Variants in GRK3 observed in about 807,000 individuals in gnomAD.
The protein encoded by GRK3 is G protein-coupled receptor kinase 3, also known as adrenergic, beta, receptor kinase 2.
Under a neutral mutation model 95.7 loss-of-function variants are expected in GRK3, and 54 were observed. The ratio of observed to expected loss-of-function variants is 0.56; its 90% confidence interval spans 0.45 to 0.71. GRK3 has a LOEUF of 0.71. Ranked by LOEUF, GRK3 falls within the 30% of genes least tolerant of loss-of-function variation. The pLI, the probability that GRK3 is intolerant of heterozygous loss-of-function variation, is 0.00. For missense variants in GRK3, 649 were observed against 851.2 expected, an observed-to-expected ratio of 0.76 and a Z score of 2.96; for synonymous variants, 281 against 290.8, an observed-to-expected ratio of 0.97 and a Z score of 0.34.
At chr22:25,703,686 T>C (rs539186899) in intron 14 of GRK3, 110 bp downstream of exon 14, 210 of 767,802 alleles carry the variant, frequency 2.7e-4, no homozygotes, top group Non-Finnish European at 3.9e-4. Context: ...TATAAAATTA[T>C]GTATAGACAT....
intron 1 of GRK3, among the ~76,000 whole-genome samples, chr22:25,600,452 T>G (rs2084402244): frequency 6.6e-6 from 1 of 152,180 alleles, no homozygotes; most frequent in Non-Finnish European, 1.5e-5. Flanking sequence ...GTCTGCAGGT[T>G]GCATCTGGGT....
intron 2 of GRK3, among the ~76,000 whole-genome samples, chr22:25,639,862 T>C (rs1406003480): frequency 6.6e-6 from 1 of 152,202 alleles, no homozygotes; most frequent in Admixed American, 6.5e-5. Flanking sequence ...TTATAGTTTT[T>C]AGCATACTGT....
chr22:25,720,746 A>C lies in GRK3; in HGVS notation c.1792-538A>C, dbSNP rs143833902. ...CGCCTCGGCCTCCCAAAGTGCTGGG[A>C]TTACAGGCATGAGCCACCGCGCCCA... On this transcript the variant is annotated intron_variant, in intron 19 of 20. Transcript: ENST00000324198. Among the ~76,000 whole-genome samples the C allele has an allele frequency of 1.8e-3, 271 of 152,228 alleles. 6 individuals carry two copies. In the East Asian group the frequency reaches 0.047, roughly 26 times the overall value.
intron 1 of GRK3, among the ~76,000 whole-genome samples, chr22:25,574,204 A>G (rs535520124): frequency 1.3e-5 from 2 of 152,274 alleles, no homozygotes; most frequent in Admixed American, 1.3e-4. Flanking sequence ...AGTTTAAATT[A>G]AAAATGAGGC....
chr22:25,708,211 C>T (rs911036095), intron 15 of GRK3, among the ~76,000 whole-genome samples: 2 of 152,082 alleles, frequency 1.3e-5, no homozygotes, highest in Admixed American at 6.5e-5. Flanking sequence ...GGCGCCACTG[C>T]ACTCCAGCCT....
In GRK3 at chr22:25,677,371, A is replaced by C. The variant is rs1429902627; in HGVS notation, c.648-1445A>C. Among the ~76,000 whole-genome samples, 4 of 140,038 alleles carry C rather than the reference A, an allele frequency of 2.9e-5. No homozygotes were observed. The East Asian group carries it at 8.1e-4, about 28-fold the overall frequency. 91.9% of individuals were successfully genotyped at this position (140,038 alleles called of 152,430 possible). On this transcript the variant is annotated intron_variant, in intron 8 of 20. Transcript: ENST00000324198. ...AGCCTGGGCAACAGAATGAGACCCC[A>C]TATCTTAAAAAAAAAAAAAAAAAAA...
chr22:25,675,643 G>C (rs1234736798), intron 8 of GRK3, among the ~76,000 whole-genome samples: 1 of 152,190 alleles, frequency 6.6e-6, no homozygotes, highest in Admixed American at 6.5e-5. Flanking sequence ...GTGGGAGAAG[G>C]GGTGTTTGAG....
intron 7 of GRK3, 70 bp from the exon 8 acceptor site, chr22:25,674,367 A>G (rs1334681874): frequency 7.9e-7 from 1 of 1,264,706 alleles, no homozygotes; most frequent in Non-Finnish European, 1.1e-6. Flanking sequence ...TATGTTTTGC[A>G]TGAAAAAATC....
intron 15 of GRK3, among the ~76,000 whole-genome samples, chr22:25,707,597 C>T (rs1416552096): frequency 6.6e-6 from 1 of 152,072 alleles, no homozygotes; most frequent in Admixed American, 6.5e-5. Context: ...TATGAAGAGG[C>T]CTGGGGAGGA....
At position 25,704,151 on chromosome 22, in the gene GRK3, C is replaced by G; in HGVS notation, c.1270C>G (p.Leu424Val). The part of the protein sequence containing the change: ...PDTFSPELKS[L>V]LEGLLQRDVS... ...CACCTTCTCTCCTGAACTGAAGTCCCTTTTGGAGGGCTTGCTTCAGCGAGA... is the reference window on the plus strand; with the variant it reads ...CACCTTCTCTCCTGAACTGAAGTCCGTTTTGGAGGGCTTGCTTCAGCGAGA... The change falls in exon 15 of 21, where the codon CTT becomes GTT. Residue 424 changes from leucine (L) to valine (V), a missense_variant. By Grantham distance (32) the Leu-to-Val change is conservative (BLOSUM62 1). Coordinates refer to ENST00000324198, the MANE Select transcript of GRK3 (RefSeq NM_005160.4). The G allele has an allele frequency of 6.2e-7, 1 of 1,613,802 alleles. No individual in the cohort carries two copies. Among genetic ancestry groups the G allele is most frequent in the Non-Finnish European group, 8.5e-7 (1 of 1,179,842 alleles).
intron 2 of GRK3, among the ~76,000 whole-genome samples, chr22:25,642,156 C>T (rs1247744856): frequency 4.6e-5 from 7 of 152,092 alleles, no homozygotes; most frequent in South Asian, 2.1e-4. Context: ...GACAGATGGC[C>T]GCGCGGTGGC....
intron 3 of GRK3, among the ~76,000 whole-genome samples, chr22:25,659,135 T>G (rs2084893213): frequency 6.6e-6 from 1 of 152,004 alleles, no homozygotes; most frequent in South Asian, 2.1e-4. Flanking sequence ...CTGAGGCAGT[T>G]CAGGATTTGG....
At chr22:25,667,247 T>C (rs889424752) in intron 5 of GRK3, among the ~76,000 whole-genome samples, 19 of 152,342 alleles carry the variant, frequency 1.2e-4, no homozygotes, top group African/African-American at 4.6e-4. Context: ...CATGGACCTA[T>C]TAGCTTTGAG....
At chr22:25,634,365 A>G (rs1005366864) in intron 2 of GRK3, among the ~76,000 whole-genome samples, 1 of 152,156 alleles carries the variant, frequency 6.6e-6, no homozygotes, top group African/African-American at 2.4e-5. Flanking sequence ...GATAAGATGT[A>G]AGGTAGTTGT....
intron 3 of GRK3, among the ~76,000 whole-genome samples, chr22:25,655,371 A>T (rs1227495707): frequency 3.9e-5 from 6 of 152,044 alleles, no homozygotes; most frequent in Non-Finnish European, 7.4e-5. Context: ...TTGTTACTTT[A>T]CTGTGTCCTT....
intron 8 of GRK3, among the ~76,000 whole-genome samples, chr22:25,676,413 C>T (rs561772966): frequency 2.3e-4 from 35 of 152,146 alleles, no homozygotes; most frequent in Non-Finnish European, 4.4e-4. Flanking sequence ...TAATATCGGC[C>T]GGGCGCGGTG....
chr22:25,588,163 C>G (rs1025078060), intron 1 of GRK3, among the ~76,000 whole-genome samples: 10 of 152,188 alleles, frequency 6.6e-5, no homozygotes, highest in African/African-American at 1.9e-4. Context: ...TTAGGTAAAC[C>G]GAGGACACCA....
chr22:25,574,178 T>A (rs1298086012), intron 1 of GRK3, among the ~76,000 whole-genome samples: 2 of 152,198 alleles, frequency 1.3e-5, no homozygotes, highest in Non-Finnish European at 2.9e-5. Context: ...TTTGTATCTT[T>A]ATTGCCTTTG....
At chr22:25,649,286 GTATAGAATTTC>G in intron 3 of GRK3, 7 of 882,176 alleles carry the variant, frequency 7.9e-6, no homozygotes, top group Non-Finnish European at 1.3e-5. Context: ...TGAAGAACCT[GTATAGAATTTC>G]TACAGGGATC....
Sources: gnomAD v4.1 joint callset for allele counts (sites outside exome capture counted in the v4.1 genomes callset) on GRCh38, gnomAD v4.1.1 for gene constraint, MANE v1.5 for transcripts, NCBI Gene and HGNC (gene_info 2026-07-23, HGNC 2026-07-21) for gene names.